Variants in UNKL observed in about 807,000 individuals in gnomAD.
The protein encoded by UNKL is putative E3 ubiquitin-protein ligase UNKL.
A neutral mutation model predicts 78.0 loss-of-function variants in UNKL; 60 were observed. The observed-to-expected ratio is 0.77, with a 90% CI of 0.63 to 0.95. The LOEUF (loss-of-function observed/expected upper bound fraction) is 0.95, where lower values mean the gene tolerates loss of function less well. Ranked by LOEUF, UNKL falls within the 40% of genes least tolerant of loss-of-function variation. The pLI, the probability that UNKL is intolerant of heterozygous loss-of-function variation, is 0.00. For missense variants in UNKL, 1,159 were observed against 1,045.7 expected, an observed-to-expected ratio of 1.11 and a Z score of -1.49; for synonymous variants, 608 against 474.8, an observed-to-expected ratio of 1.28 and a Z score of -3.65.
chr16:1,409,794 TATG>T (rs1567241353), intron 2 of UNKL, among the ~76,000 whole-genome samples: 1 of 151,972 alleles, frequency 6.6e-6, no homozygotes, highest in Admixed American at 6.6e-5. Flanking sequence ...AACAAAAACT[TATG>T]AGGCCGGGCG....
chr16:1,379,991 G>T (rs2036536514), intron 10 of UNKL, among the ~76,000 whole-genome samples: 2 of 152,206 alleles, frequency 1.3e-5, no homozygotes, highest in South Asian at 4.1e-4. Context: ...CAACAGGGGC[G>T]CTCGCGGGGC....
Position 1,385,265 on chromosome 16 carries a change from G to T in UNKL, c.1207C>A (p.Pro403Thr). 1.5e-6 allele frequency: 2 copies of T among 1,336,146 alleles called. No individual in the cohort carries two copies. Among genetic ancestry groups the T allele is most frequent in the South Asian group, 3.8e-5 (2 of 52,812 alleles). The allele number at this position is 1,336,146 out of a possible 1,614,324, so 82.8% of individuals were successfully genotyped here. A position where few individuals can be genotyped will look rare whatever the true frequency, so the allele number is the denominator to read the frequency against. ...CCGAGCGGGAGGGCACGGGCGGGGGGCGCGGGCAGCGCAGTGGGGGAGGAG... is the reference window on the plus strand; with the variant it reads ...CCGAGCGGGAGGGCACGGGCGGGGGTCGCGGGCAGCGCAGTGGGGGAGGAG... Reference protein sequence around the residue: ...GSSSPTALPAPPARALPLGPA... With the variant: ...GSSSPTALPATPARALPLGPA... The change falls in exon 10 of 15, where the codon CCC becomes ACC. Residue 403 changes from proline (P) to threonine (T), a missense_variant. Pro to Thr is a conservative substitution (Grantham distance 38, BLOSUM62 -1). Transcript: ENST00000389221.
chr16:1,402,534 G>A (rs1338905007), intron 3 of UNKL, among the ~76,000 whole-genome samples: 1 of 152,112 alleles, frequency 6.6e-6, no homozygotes, highest in South Asian at 2.1e-4. Flanking sequence ...ATGGTGGTGT[G>A]CGCCTGTAGT....
chr16:1,396,545 A>C lies in UNKL; in HGVS notation c.852+633T>G, dbSNP rs552893415. On this transcript the variant is annotated intron_variant, in intron 6 of 14. Coordinates refer to ENST00000389221, the MANE Select transcript of UNKL (RefSeq NM_001372107.1). ...CCCGCCTCTGCCTCCCAAAGTGCTG[A>C]GATTACAGTGTGAGCCACCGTGCCT... Among the ~76,000 whole-genome samples, 22 of 138,680 alleles carry C rather than the reference A, an allele frequency of 1.6e-4. No homozygotes were observed. In the East Asian group the frequency reaches 4.4e-3, roughly 28 times the overall value. 91.0% of individuals were successfully genotyped at this position (138,680 alleles called of 152,430 possible). A position where few individuals can be genotyped will look rare whatever the true frequency, so the allele number is the denominator to read the frequency against.
chr16:1,383,545 T>C, intron 10 of UNKL: 2 of 338,844 alleles, frequency 5.9e-6, no homozygotes, highest in South Asian at 4.3e-5. Flanking sequence ...TGGTCTAGTG[T>C]CCTGCCGATG....
intron 2 of UNKL, chr16:1,405,994 C>T (rs762523241): frequency 2.2e-5 from 10 of 456,620 alleles, no homozygotes; most frequent in South Asian, 1.4e-4. Flanking sequence ...AGGCCCGTGG[C>T]CCATGTGGTC....
At chr16:1,394,501 G>T (rs1460927410) in intron 6 of UNKL, 10 of 605,982 alleles carry the variant, frequency 1.7e-5, no homozygotes, top group Middle Eastern at 5.2e-4. Flanking sequence ...TTTTCTGAAA[G>T]ATGCACCAAA....
At chr16:1,375,267 C>T (rs1194556806) in intron 10 of UNKL, among the ~76,000 whole-genome samples, 1 of 152,228 alleles carries the variant, frequency 6.6e-6, no homozygotes, top group African/African-American at 2.4e-5. Context: ...CGCTCAGCAG[C>T]CACACTGTGT....
intron 9 of UNKL, among the ~76,000 whole-genome samples, chr16:1,386,280 C>T (rs1389983517): frequency 1.3e-5 from 2 of 152,090 alleles, no homozygotes; most frequent in Admixed American, 1.3e-4. Flanking sequence ...AGGCCGGGCG[C>T]GGTGGCTCAC....
chr16:1,398,333 G>A, intron 5 of UNKL: 2 of 1,008,228 alleles, frequency 2.0e-6, no homozygotes, highest in Non-Finnish European at 2.4e-6. Context: ...TATTGTAACT[G>A]ATTTGTATTT....
chr16:1,377,433 A>G (rs1284782624), intron 10 of UNKL, among the ~76,000 whole-genome samples: 2 of 152,046 alleles, frequency 1.3e-5, no homozygotes, highest in African/African-American at 4.8e-5. Flanking sequence ...CTGTATCAAC[A>G]GATCTGGCCC....
At chr16:1,385,968 G>C (rs993944066) in intron 9 of UNKL, among the ~76,000 whole-genome samples, 2 of 152,246 alleles carry the variant, frequency 1.3e-5, no homozygotes, top group Non-Finnish European at 2.9e-5. Context: ...GTGGATAATA[G>C]ATCAAAAGAA....
intron 10 of UNKL, among the ~76,000 whole-genome samples, chr16:1,375,310 C>T (rs1310705299): frequency 6.6e-6 from 1 of 152,202 alleles, no homozygotes; most frequent in Non-Finnish European, 1.5e-5. Flanking sequence ...GAGCGGCAGG[C>T]GGGAGAGAAG....
At chr16:1,381,477 G>A (rs766084755) in intron 10 of UNKL, among the ~76,000 whole-genome samples, 4 of 152,100 alleles carry the variant, frequency 2.6e-5, no homozygotes, top group African/African-American at 7.2e-5. Flanking sequence ...AAAATTAGCC[G>A]GGCATGATGG....
intron 10 of UNKL, among the ~76,000 whole-genome samples, chr16:1,384,611 T>C (rs2036737663): frequency 6.6e-6 from 1 of 152,024 alleles, no homozygotes; most frequent in African/African-American, 2.4e-5. Context: ...ACTTTCAATT[T>C]TTTTTTTGAG....
chr16:1,393,096 G>A (rs1374835280), intron 7 of UNKL, 120 bp from the exon 8 acceptor site: 3 of 1,086,986 alleles, frequency 2.8e-6, no homozygotes, highest in Admixed American at 2.0e-5. Flanking sequence ...TCATCCCTCA[G>A]GGGTGCGGCA....
In UNKL at chr16:1,399,482, T is replaced by C; in HGVS notation, c.626A>G (p.Lys209Arg). The part of the protein sequence containing the change: ...QDANFVLGSY[K>R]TEQCPKPPRL... Reference sequence around the variant, plus strand: ...TGGCGGCTTCGGGCACTGCTCCGTCTTGTAGCTGCCCAGCACGAAGTTGGC... The same window carrying C: ...TGGCGGCTTCGGGCACTGCTCCGTCCTGTAGCTGCCCAGCACGAAGTTGGC... Residue 209 changes from lysine (K) to arginine (R), a missense_variant, in exon 5 of 15, where the codon AAG becomes AGG. Coordinates refer to ENST00000389221, the MANE Select transcript of UNKL (RefSeq NM_001372107.1). This position sits in a 1 kb window ranked among gnomAD's most constrained non-coding sequence, Gnocchi z 5.8. The C allele has an allele frequency of 6.2e-7, 1 of 1,600,044 alleles. No individual in the cohort carries two copies. Among genetic ancestry groups the C allele is most frequent in the Non-Finnish European group, 8.5e-7 (1 of 1,174,228 alleles).
At chr16:1,376,251 G>A (rs1366272306) in intron 10 of UNKL, among the ~76,000 whole-genome samples, 14 of 136,356 alleles carry the variant, frequency 1.0e-4, no homozygotes, top group African/African-American at 3.7e-4. Flanking sequence ...GGGCTGGGGC[G>A]CTCCTCCTCC....
In UNKL at chr16:1,403,232, T is replaced by C; in HGVS notation, c.400A>G (p.Asn134Asp). The change falls in exon 3 of 15, where the codon AAT becomes GAT. Residue 134 changes from asparagine to aspartate, a missense_variant. Physicochemically the swap from Asn to Asp is conservative, Grantham distance 23. Transcript: ENST00000389221. The surrounding 1 kb of genome is among the most constrained non-coding windows in gnomAD (Gnocchi z 4.8). Reference protein sequence around the residue: ...ETDARGHCVKNGLHCAFAHGP... With the variant: ...ETDARGHCVKDGLHCAFAHGP... Reference sequence around the variant, plus strand: ...TGCGCGAAGGCACAGTGCAGCCCATTCTTCACGCAGTGGCCACGTGCGTCT... The same window carrying C: ...TGCGCGAAGGCACAGTGCAGCCCATCCTTCACGCAGTGGCCACGTGCGTCT... 1 of 1,614,124 alleles carries C rather than the reference T, an allele frequency of 6.2e-7. No individual in the cohort carries two copies. Among genetic ancestry groups the C allele is most frequent in the Non-Finnish European group, 8.5e-7 (1 of 1,179,998 alleles).
Sources: gnomAD v4.1 joint callset for allele counts (sites outside exome capture counted in the v4.1 genomes callset) on GRCh38, gnomAD v4.1.1 for gene constraint, Gnocchi (gnomAD v3.1) non-coding constraint, MANE v1.5 for transcripts, NCBI Gene and HGNC (gene_info 2026-07-23, HGNC 2026-07-21) for gene names.